Variants in COL19A1 observed in about 807,000 individuals in gnomAD.
COL19A1 encodes the protein collagen alpha-1(XIX) chain.
COL19A1 carries 159 observed loss-of-function variants against 190.2 expected under a neutral mutation model. The observed-to-expected ratio is 0.84, with a 90% confidence interval of 0.73 to 0.95. The LOEUF is 0.95. Among genes scored for constraint, COL19A1 ranks in the 40% least tolerant of loss-of-function variants. COL19A1 has a pLI of 0.00. For missense variants in COL19A1, 1,418 were observed against 1,431.9 expected (o/e 0.99, Z 0.16); for synonymous variants, 509 against 458.9 (o/e 1.11, Z -1.39).
At chr6:70,204,250 A>C (rs927941198) in intron 49 of COL19A1, among the ~76,000 whole-genome samples, 1 of 152,190 alleles carries the variant, frequency 6.6e-6, no homozygotes, top group African/African-American at 2.4e-5. Context: ...CACGCTGAAG[A>C]GGTGAAAAGC....
At chr6:69,932,643 A>C (rs1402925525) in intron 6 of COL19A1, 140 bp from the exon 7 acceptor site, 7 of 572,698 alleles carry the variant, frequency 1.2e-5, no homozygotes, top group Non-Finnish European at 2.2e-5. Context: ...TCCTACATTT[A>C]ATAAAAACAT....
At chr6:69,983,821 C>G (rs1776173924) in intron 11 of COL19A1, among the ~76,000 whole-genome samples, 1 of 152,038 alleles carries the variant, frequency 6.6e-6, no homozygotes, top group Non-Finnish European at 1.5e-5. Flanking sequence ...GTTAAGAATG[C>G]ATAATTTTTT....
intron 37 of COL19A1, among the ~76,000 whole-genome samples, chr6:70,166,764 C>G (rs1765185796): frequency 1.3e-5 from 2 of 152,232 alleles, no homozygotes; most frequent in South Asian, 4.1e-4. Context: ...GATTAGCACT[C>G]TATTTCCTAA....
intron 7 of COL19A1, among the ~76,000 whole-genome samples, chr6:69,935,797 C>T (rs1279028340): frequency 6.6e-6 from 1 of 151,670 alleles, no homozygotes; most frequent in Non-Finnish European, 1.5e-5. Flanking sequence ...TAAACGTGTG[C>T]CATGATGGTT....
At chr6:69,954,214 C>T (rs1295641600) in intron 9 of COL19A1, among the ~76,000 whole-genome samples, 2 of 151,966 alleles carry the variant, frequency 1.3e-5, no homozygotes. Flanking sequence ...TACAGCTTAT[C>T]CACTCAGCTC....
At chr6:69,928,848 A>G (rs1410008128) in intron 5 of COL19A1, among the ~76,000 whole-genome samples, 2 of 152,192 alleles carry the variant, frequency 1.3e-5, no homozygotes, top group Non-Finnish European at 2.9e-5. Flanking sequence ...AATGTTTTAA[A>G]TCATCACTGA....
intron 27 of COL19A1, 108 bp from the exon 28 acceptor site, chr6:70,149,596 C>T: frequency 7.1e-7 from 1 of 1,415,776 alleles, no homozygotes; most frequent in East Asian, 2.4e-5. Flanking sequence ...CGGTGGCAAA[C>T]CCTGTTGTTC....
chr6:70,020,213 C>T (rs1046475988), intron 11 of COL19A1, among the ~76,000 whole-genome samples: 1 of 152,088 alleles, frequency 6.6e-6, no homozygotes, highest in African/African-American at 2.4e-5. Flanking sequence ...CAACGCAACA[C>T]AAAATATCTT....
chr6:69,939,824 A>C (rs572252562), intron 9 of COL19A1, among the ~76,000 whole-genome samples: 2 of 152,126 alleles, frequency 1.3e-5, no homozygotes, highest in Admixed American at 1.3e-4. Context: ...CTCTCCATAC[A>C]TAAGTTTTCT....
rs1237812044 is a variant in COL19A1, at chr6:70,110,124, A to G, written c.1278+7902A>G. ...CCAAAACACATTTTTGGACTGCTGA[A>G]TAAAGCAGATGACAAAAACTGTCTC... On this transcript the variant is annotated intron_variant, in intron 16 of 50. Transcript: ENST00000620364. Among the ~76,000 whole-genome samples, 3 of 152,236 alleles carry G rather than the reference A, an allele frequency of 2.0e-5. No individual in the cohort carries two copies. In the East Asian group the frequency reaches 5.8e-4, roughly 29 times the overall value.
At chr6:70,185,684 A>G (rs950789464) in intron 46 of COL19A1, among the ~76,000 whole-genome samples, 3 of 152,200 alleles carry the variant, frequency 2.0e-5, no homozygotes, top group African/African-American at 7.2e-5. Flanking sequence ...TTTCCACTAG[A>G]ATTAATAGAA....
At chr6:69,872,566 A>G (rs1174727628) in intron 1 of COL19A1, among the ~76,000 whole-genome samples, 3 of 152,224 alleles carry the variant, frequency 2.0e-5, no homozygotes, top group African/African-American at 7.2e-5. Flanking sequence ...AATGATTTCA[A>G]GAGCTAGATT....
chr6:70,184,987 A>G, intron 46 of COL19A1, 72 bp downstream of exon 46: 2 of 1,445,706 alleles, frequency 1.4e-6, no homozygotes, highest in Non-Finnish European at 1.9e-6. Flanking sequence ...GAGTTACACA[A>G]TTATGTGTGT....
At chr6:70,121,449 T>C (rs898981662) in intron 16 of COL19A1, among the ~76,000 whole-genome samples, 6 of 152,178 alleles carry the variant, frequency 3.9e-5, no homozygotes, top group African/African-American at 1.2e-4. Flanking sequence ...AGTAAAGCAA[T>C]AGAAAAACAT....
chr6:70,117,307 T>C (rs548291605), intron 16 of COL19A1, among the ~76,000 whole-genome samples: 1 of 152,312 alleles, frequency 6.6e-6, no homozygotes, highest in African/African-American at 2.4e-5. Flanking sequence ...CTAAGGACTA[T>C]GGTTTTTAAC....
intron 11 of COL19A1, among the ~76,000 whole-genome samples, chr6:70,022,626 C>G (rs1778477303): frequency 6.6e-6 from 1 of 152,246 alleles, no homozygotes; most frequent in South Asian, 2.1e-4. Context: ...TATGTATCAT[C>G]CACAGTGGTA....
chr6:70,028,067 A>T (rs184705221), intron 12 of COL19A1, among the ~76,000 whole-genome samples: 2 of 152,230 alleles, frequency 1.3e-5, no homozygotes, highest in East Asian at 1.9e-4. Context: ...ACTGTAGGGG[A>T]AAAGATAATT....
intron 11 of COL19A1, among the ~76,000 whole-genome samples, chr6:69,995,153 T>A (rs1206632209): frequency 6.6e-6 from 1 of 152,140 alleles, no homozygotes; most frequent in Admixed American, 6.6e-5. Context: ...GGAGGGTGAG[T>A]TGTGGCATGC....
At chr6:69,947,295 GC>G (rs1294043405) in intron 9 of COL19A1, among the ~76,000 whole-genome samples, 5 of 151,656 alleles carry the variant, frequency 3.3e-5, no homozygotes, top group Non-Finnish European at 7.4e-5. Flanking sequence ...TATACTGTAG[GC>G]TATAGCTCAT....
Sources: allele counts gnomAD v4.1 joint callset (sites outside exome capture counted in the v4.1 genomes callset), GRCh38; gene constraint gnomAD v4.1.1; transcripts MANE v1.5; gene names NCBI Gene and HGNC (gene_info 2026-07-23, HGNC 2026-07-21).